The following KATNIP variants were observed in gnomAD, a reference collection of about 807,000 sequenced individuals.
The protein encoded by KATNIP is katanin-interacting protein.
KATNIP carries 126 observed loss-of-function variants against 174.0 expected under a neutral mutation model. The ratio of observed to expected loss-of-function variants is 0.72; its 90% CI spans 0.63 to 0.84. The LOEUF is 0.84. Among genes scored for constraint, KATNIP ranks in the 40% least tolerant of loss-of-function variants. The pLI, the probability that KATNIP is intolerant of heterozygous loss-of-function variation, is 0.00. For synonymous variants in KATNIP, 810 were observed against 835.7 expected, an observed-to-expected ratio of 0.97 and a Z score of 0.53; for missense variants, 1,958 against 2,109.7, an observed-to-expected ratio of 0.93 and a Z score of 1.41.
At chr16:27,661,922 A>C (rs1297234038) in intron 6 of KATNIP, among the ~76,000 whole-genome samples, 8 of 35,652 alleles carry the variant, frequency 2.2e-4, no homozygotes, top group Non-Finnish European at 4.2e-4. Flanking sequence ...ATATATATAT[A>C]TATATATATA....
intron 1 of KATNIP, among the ~76,000 whole-genome samples, chr16:27,561,212 G>A (rs566526816): frequency 3.3e-5 from 5 of 150,572 alleles, no homozygotes; most frequent in Admixed American, 1.3e-4. Flanking sequence ...CAGTAGGGAC[G>A]GGGTTTCACC....
rs138184629 is a variant in KATNIP at position 27,630,366 on chromosome 16, A to G, written c.311-699A>G. 2.2e-3 allele frequency among the ~76,000 whole-genome samples: 335 copies of G among 152,378 alleles called. 2 individuals are homozygous for G. Among genetic ancestry groups the G allele is most frequent in the African/African-American group, 7.6e-3 (317 of 41,598 alleles). Reference sequence around the variant, plus strand: ...TAACTGATTTGTGTTATTCTAATCTATGGCCTCACAGACATGGTAAGATCC... The same window carrying G: ...TAACTGATTTGTGTTATTCTAATCTGTGGCCTCACAGACATGGTAAGATCC... On this transcript the variant is annotated intron_variant, in intron 4 of 27. Coordinates refer to ENST00000261588, the MANE Select transcript of KATNIP (RefSeq NM_015202.5).
chr16:27,565,465 CA>C (rs1382590988), intron 1 of KATNIP, among the ~76,000 whole-genome samples: 1,580 of 72,110 alleles, frequency 0.022, 18 homozygotes, highest in African/African-American at 0.065. Context: ...GACTCTGTCT[CA>C]AAAAAAAAAA....
intron 7 of KATNIP, among the ~76,000 whole-genome samples, chr16:27,679,562 C>T (rs2142784001): frequency 6.6e-6 from 1 of 152,086 alleles, no homozygotes; most frequent in South Asian, 2.1e-4. Context: ...GCCTGGGAAA[C>T]ATGGCAAGAC....
intron 13 of KATNIP, 153 bp downstream of exon 13, chr16:27,709,073 C>G (rs2079450872): frequency 1.7e-6 from 1 of 589,196 alleles, no homozygotes. Flanking sequence ...AATCCCAGCA[C>G]TTTGGGAGGC....
intron 14 of KATNIP, among the ~76,000 whole-genome samples, chr16:27,729,757 G>A (rs760135192): frequency 2.8e-4 from 42 of 152,180 alleles, no homozygotes; most frequent in East Asian, 3.9e-4. Context: ...TTTTCTGTCC[G>A]CGCCAGCTCC....
rs2082534833 is a variant in KATNIP at position 27,777,331 on chromosome 16, A to T, written c.4552-279A>T. 6.6e-6 allele frequency among the ~76,000 whole-genome samples: 1 copy of T among 152,096 alleles called. No individual in the cohort carries two copies. Among genetic ancestry groups the T allele is most frequent in the African/African-American group, 2.4e-5 (1 of 41,404 alleles). On this transcript the variant is annotated intron_variant, in intron 25 of 27. Coordinates refer to ENST00000261588, the MANE Select transcript of KATNIP (RefSeq NM_015202.5). This position sits in a 1 kb window ranked among gnomAD's most constrained non-coding sequence, Gnocchi z 4.4. ...AAAACAGGGACCCTGGATACCAGAG[A>T]CCCAAGTTTGCCTCCAGCTCTGCCA... is the stretch of plus-strand genomic sequence containing the variant.
intron 13 of KATNIP, among the ~76,000 whole-genome samples, chr16:27,712,094 A>G (rs887633094): frequency 1.3e-5 from 2 of 152,232 alleles, no homozygotes; most frequent in African/African-American, 2.4e-5. Flanking sequence ...ATGGGGACCA[A>G]TTCTGATGAT....
chr16:27,749,933 C>T lies in KATNIP; in HGVS notation c.2973C>T (p.Val991=), dbSNP rs768034192. The change falls in exon 16 of 28, where the codon GTC becomes GTT. Residue 991 remains valine (V), a synonymous_variant. Coordinates refer to ENST00000261588, the MANE Select transcript of KATNIP (RefSeq NM_015202.5). The part of the protein sequence containing the change: ...IKSTWGDRHY[V]GLNGIEIFSS... ...CTACCTGGGGGGACAGACACTATGT[C>T]GGCCTCAACGGAATAGAAATATTCA... The T allele has an allele frequency of 9.9e-6, 16 of 1,614,034 alleles. No homozygotes were observed. The highest frequency in any genetic ancestry group is 2.2e-5 in the East Asian group (1 of 44,886).
chr16:27,715,417 C>A (rs2143009736), intron 13 of KATNIP, among the ~76,000 whole-genome samples: 1 of 152,098 alleles, frequency 6.6e-6, no homozygotes, highest in Non-Finnish European at 1.5e-5. Context: ...CACAAACAAC[C>A]AAAAACAAGA....
intron 6 of KATNIP, among the ~76,000 whole-genome samples, chr16:27,668,524 C>T (rs2121150): frequency 0.041 from 6,257 of 152,304 alleles, 191 homozygotes; most frequent in African/African-American, 0.096. Flanking sequence ...TCAAGTAAAC[C>T]TCTTTTTCTT....
chr16:27,778,068 GC>G (rs1029254501), intron 27 of KATNIP, 99 bp downstream of exon 27: 17 of 1,037,430 alleles, frequency 1.6e-5, no homozygotes, highest in Admixed American at 8.1e-5. Context: ...ACCCCTGCCT[GC>G]CCCTAGACCG....
At chr16:27,662,211 G>A (rs998710555) in intron 6 of KATNIP, among the ~76,000 whole-genome samples, 1 of 150,482 alleles carries the variant, frequency 6.6e-6, no homozygotes. Flanking sequence ...TGGGATTACA[G>A]GCATGAGCCA....
intron 5 of KATNIP, among the ~76,000 whole-genome samples, chr16:27,642,418 G>C (rs372067646): frequency 6.6e-6 from 1 of 152,176 alleles, no homozygotes; most frequent in Non-Finnish European, 1.5e-5. Flanking sequence ...GTTGTGGGGG[G>C]CCTGCTGTGG....
At chr16:27,659,798 G>A (rs554952290) in intron 6 of KATNIP, among the ~76,000 whole-genome samples, 73 of 152,122 alleles carry the variant, frequency 4.8e-4, no homozygotes, top group African/African-American at 1.7e-3. Context: ...GCCAAACTGA[G>A]GGCTCAGATT....
At chr16:27,757,420 C>A in intron 18 of KATNIP, 1 of 855,106 alleles carries the variant, frequency 1.2e-6, no homozygotes, top group Non-Finnish European at 1.4e-6. Flanking sequence ...AGAGTGTGGT[C>A]ACCAGAAGGA....
chr16:27,658,670 C>T lies in KATNIP; in HGVS notation c.540+9935C>T, dbSNP rs138211279. On this transcript the variant is annotated intron_variant, in intron 6 of 27. Transcript: ENST00000261588. The stretch of plus-strand genomic sequence containing the variant: ...CACTTCTGGAAACCTGGAGGGGAGA[C>T]GATGTCCCTTAAAAAAATAACAGAT... Among the ~76,000 whole-genome samples, 216 of 152,140 alleles carry T rather than the reference C, an allele frequency of 1.4e-3. 1 individual carries two copies. The highest frequency in any genetic ancestry group is 4.8e-3 in the African/African-American group (201 of 41,508).
At chr16:27,742,055 T>C in intron 15 of KATNIP, among the ~76,000 whole-genome samples, 1 of 148,622 alleles carries the variant, frequency 6.7e-6, no homozygotes, top group Non-Finnish European at 1.5e-5. Context: ...AAAAGGCACA[T>C]CTGCTGGCAG....
At chr16:27,708,652 A>C in intron 12 of KATNIP, 53 bp from the exon 13 acceptor site, 1 of 1,474,272 alleles carries the variant, frequency 6.8e-7, no homozygotes, top group East Asian at 2.3e-5. Context: ...GGCAGAGCCG[A>C]ATTCAAGCCT....
Sources: gnomAD v4.1 joint callset for allele counts (sites outside exome capture counted in the v4.1 genomes callset) on GRCh38, gnomAD v4.1.1 for gene constraint, Gnocchi (gnomAD v3.1) non-coding constraint, MANE v1.5 for transcripts, NCBI Gene and HGNC (gene_info 2026-07-23, HGNC 2026-07-21) for gene names.